Variants in CTBP1 observed in about 807,000 individuals in gnomAD.
CTBP1 encodes the protein C-terminal-binding protein 1.
CTBP1 carries 11 observed loss-of-function variants against 42.1 expected under a neutral mutation model. The observed-to-expected ratio is 0.26, with a 90% CI of 0.16 to 0.43. The LOEUF (loss-of-function observed/expected upper bound fraction) is 0.43. Among genes scored for constraint, CTBP1 ranks in the 20% least tolerant of loss-of-function variants. The probability of loss-of-function intolerance (pLI) is 1.00; values close to 1 mark genes in which losing one functional copy is unlikely to be tolerated. For synonymous variants in CTBP1, 324 were observed against 277.1 expected, an observed-to-expected ratio of 1.17 and a Z score of -1.68; for missense variants, 399 against 624.3, an observed-to-expected ratio of 0.64 and a Z score of 3.85.
intron 1 of CTBP1, chr4:1,245,072 G>C: frequency 1.0e-6 from 1 of 983,922 alleles, no homozygotes; most frequent in Non-Finnish European, 1.2e-6. Flanking sequence ...GACAGACAAG[G>C]CCCGTCACCC....
At chr4:1,220,707 A>G (rs1179759684) in intron 5 of CTBP1, among the ~76,000 whole-genome samples, 1 of 152,252 alleles carries the variant, frequency 6.6e-6, no homozygotes. Flanking sequence ...CATGTGGCCA[A>G]CTGCCTTTCC....
Position 1,212,335 on chromosome 4 carries a change from C to A in CTBP1, c.1195G>T (p.Gly399Cys). The change falls in exon 10 of 10, where the codon GGC becomes TGC. Residue 399 changes from glycine to cysteine, a missense_variant. By Grantham distance (159) the Gly-to-Cys change is radical. Coordinates refer to ENST00000382952, the MANE Select transcript of CTBP1 (RefSeq NM_001012614.2). ...IVPSAMSLSH[G>C]LPPVAHPPHA... ...GGCGGGTGGGCCACAGGGGGCAGGCCGTGGGACAGGGACATGGCGCTGGGG... is the reference window on the plus strand; with the variant it reads ...GGCGGGTGGGCCACAGGGGGCAGGCAGTGGGACAGGGACATGGCGCTGGGG... 1 of 1,520,274 alleles carries A rather than the reference C, an allele frequency of 6.6e-7. No homozygotes were observed. Among genetic ancestry groups the A allele is most frequent in the Non-Finnish European group, 8.8e-7 (1 of 1,138,722 alleles). The allele number at this position is 1,520,274 out of a possible 1,614,324, so 94.2% of individuals were successfully genotyped here. A position where few individuals can be genotyped will look rare whatever the true frequency, so the allele number is the denominator to read the frequency against.
At chr4:1,241,097 G>A (rs546951189) in intron 2 of CTBP1, among the ~76,000 whole-genome samples, 3 of 152,314 alleles carry the variant, frequency 2.0e-5, no homozygotes, top group Non-Finnish European at 2.9e-5. Flanking sequence ...CAGATGCCAC[G>A]GACAGGCCTG....
At chr4:1,228,119 C>T in intron 4 of CTBP1, 80 bp downstream of exon 4, 1 of 1,558,568 alleles carries the variant, frequency 6.4e-7, no homozygotes, top group Non-Finnish European at 8.7e-7. Flanking sequence ...CTCAGTGTGG[C>T]AGTGAAGCCT....
At chr4:1,248,673 CG>C in intron 1 of CTBP1, 3 of 983,212 alleles carry the variant, frequency 3.1e-6, no homozygotes, top group Non-Finnish European at 3.6e-6. Flanking sequence ...GCACGGGCCG[CG>C]GGCGGGGAGA....
At chr4:1,223,721 C>A (rs547753412) in intron 5 of CTBP1, among the ~76,000 whole-genome samples, 2 of 152,194 alleles carry the variant, frequency 1.3e-5, no homozygotes, top group East Asian at 3.9e-4. Flanking sequence ...GGGCCCCGCC[C>A]AGATGCTCCC....
At chr4:1,226,179 G>A (rs760124611) in intron 4 of CTBP1, among the ~76,000 whole-genome samples, 3 of 152,052 alleles carry the variant, frequency 2.0e-5, no homozygotes, top group African/African-American at 4.8e-5. Context: ...CCTACTCCCC[G>A]CTCCCGGCCT....
At chr4:1,227,027 G>A (rs1476241723) in intron 4 of CTBP1, among the ~76,000 whole-genome samples, 1 of 152,052 alleles carries the variant, frequency 6.6e-6, no homozygotes, top group Non-Finnish European at 1.5e-5. Context: ...TACCAGCATC[G>A]AGAGGAGGAG....
intron 3 of CTBP1, among the ~76,000 whole-genome samples, chr4:1,229,744 C>G (rs1341303947): frequency 6.6e-6 from 1 of 152,192 alleles, no homozygotes; most frequent in Non-Finnish European, 1.5e-5. Flanking sequence ...ACGCTCACCA[C>G]CCAGCTGCAA....
intron 1 of CTBP1, chr4:1,245,058 C>A: frequency 1.0e-6 from 1 of 983,962 alleles, no homozygotes; most frequent in African/African-American, 1.7e-5. Context: ...GAGAACCTCC[C>A]CCAGACAGAC....
chr4:1,222,939 C>T (rs929395257), intron 5 of CTBP1, among the ~76,000 whole-genome samples: 9 of 152,152 alleles, frequency 5.9e-5, no homozygotes, highest in African/African-American at 2.2e-4. Flanking sequence ...GCCCATACCC[C>T]CCCCACATCC....
At chr4:1,241,582 C>T (rs1363317738) in intron 1 of CTBP1, 63 bp from the exon 2 acceptor site, 14 of 1,495,344 alleles carry the variant, frequency 9.4e-6, no homozygotes, top group African/African-American at 1.4e-5. Flanking sequence ...AACTCACAGA[C>T]TCCAGGGAAC....
At chr4:1,225,761 C>T (rs531570674) in intron 4 of CTBP1, among the ~76,000 whole-genome samples, 195 bp from the exon 5 acceptor site, 1 of 152,276 alleles carries the variant, frequency 6.6e-6, no homozygotes, top group African/African-American at 2.4e-5. Context: ...ACTCCAGGAG[C>T]CCCACCTCCA....
chr4:1,229,676 C>A (rs1730758204), intron 3 of CTBP1, among the ~76,000 whole-genome samples: 1 of 152,220 alleles, frequency 6.6e-6, no homozygotes, highest in African/African-American at 2.4e-5. Flanking sequence ...GGGTCCTGGG[C>A]AGAGCAGCTG....
chr4:1,221,544 C>T (rs902699289), intron 5 of CTBP1: 98 of 169,138 alleles, frequency 5.8e-4, no homozygotes, highest in African/African-American at 2.1e-3. Context: ...GCTGTGTTCA[C>T]GTGATGGAAC....
chr4:1,248,763 C>A, intron 1 of CTBP1, 153 bp downstream of exon 1: 2 of 975,978 alleles, frequency 2.0e-6, no homozygotes, highest in Non-Finnish European at 2.4e-6. Flanking sequence ...CCGACCGCGG[C>A]CACGCGCGGA....
chr4:1,237,815 G>A (rs780599763), intron 3 of CTBP1: 10 of 444,096 alleles, frequency 2.3e-5, no homozygotes, highest in Admixed American at 6.3e-5. Flanking sequence ...AGGGCAAAAC[G>A]AGTGTCCACC....
chr4:1,227,099 C>T (rs188473662), intron 4 of CTBP1, among the ~76,000 whole-genome samples: 43 of 152,130 alleles, frequency 2.8e-4, no homozygotes, highest in African/African-American at 9.9e-4. Flanking sequence ...GGCCAAGCAC[C>T]GCCCCAAGTT....
In CTBP1 at chr4:1,235,075, A is replaced by G. The variant is rs550060740; in HGVS notation, c.162+3108T>C. The G allele has an allele frequency of 2.0e-5, 3 of 152,266 alleles. No homozygotes were observed. The highest frequency in any genetic ancestry group is 7.2e-5 in the African/African-American group (3 of 41,544). 9.4% of individuals were successfully genotyped at this position (152,266 alleles called of 1,614,324 possible). A position where few individuals can be genotyped will look rare whatever the true frequency, so the allele number is the denominator to read the frequency against. ...AGGGTGTGGCAGGGACCCAGCGTTC[A>G]TGCCTGTTGCTGAGGAGGACACCGA... On this transcript the variant is annotated intron_variant, in intron 3 of 9. Transcript: ENST00000382952. The surrounding 1 kb of genome is among the most constrained non-coding windows in gnomAD (Gnocchi z 4.2).
Sources: gnomAD v4.1 joint callset for allele counts (sites outside exome capture counted in the v4.1 genomes callset) on GRCh38, gnomAD v4.1.1 for gene constraint, Gnocchi (gnomAD v3.1) non-coding constraint, MANE v1.5 for transcripts, NCBI Gene and HGNC (gene_info 2026-07-23, HGNC 2026-07-21) for gene names.